SOX5: variants seen among roughly 807,000 people sequenced by gnomAD.
SOX5 encodes transcription factor SOX-5.
A neutral mutation model predicts 92.0 loss-of-function variants in SOX5; 9 were observed. That is an observed-to-expected ratio of 0.10 (90% CI 0.06 to 0.17). The LOEUF (loss-of-function observed/expected upper bound fraction) is 0.17, where lower values mean the gene tolerates loss of function less well. SOX5 is among the 10% of genes least tolerant of loss of function. SOX5 has a pLI of 1.00. For missense variants in SOX5, 642 were observed against 944.5 expected, an observed-to-expected ratio of 0.68 and a Z score of 4.20; for synonymous variants, 344 against 336.3, an observed-to-expected ratio of 1.02 and a Z score of -0.25.
chr12:24,133,235 C>T (rs1158633615), intron 4 of SOX5, among the ~76,000 whole-genome samples: 2 of 152,130 alleles, frequency 1.3e-5, no homozygotes. Flanking sequence ...ACATGTCACT[C>T]CCTGGAGAAA....
At chr12:23,990,513 C>T (rs559104971) in intron 4 of SOX5, among the ~76,000 whole-genome samples, 10 of 152,258 alleles carry the variant, frequency 6.6e-5, no homozygotes, top group African/African-American at 9.6e-5. Flanking sequence ...CTTTTAACTA[C>T]GATGTATTTT....
intron 4 of SOX5, among the ~76,000 whole-genome samples, chr12:24,147,583 TA>T (rs1313280249): frequency 6.6e-6 from 1 of 152,144 alleles, no homozygotes; most frequent in Admixed American, 6.5e-5. Context: ...AAAGCAAGAA[TA>T]AGCACTAAAA....
At chr12:24,531,991 A>G (rs1951235659) in intron 1 of SOX5, among the ~76,000 whole-genome samples, 2 of 152,206 alleles carry the variant, frequency 1.3e-5, no homozygotes, top group Middle Eastern at 3.2e-3. Flanking sequence ...AACTATTTAA[A>G]TTGACAATAA....
chr12:24,329,444 G>A lies in SOX5; in HGVS notation c.-174+39119C>T, dbSNP rs144058169. On this transcript the variant is annotated intron_variant, in intron 2 of 4. Coordinates refer to the SOX5 transcript ENST00000446891. ...CTCACAATCATGAGAACAACATGGGGGAAAAGGCCCCCAAAGTCCATTCAC... is the reference window on the plus strand; with the variant it reads ...CTCACAATCATGAGAACAACATGGGAGAAAAGGCCCCCAAAGTCCATTCAC... Among the ~76,000 whole-genome samples the A allele has an allele frequency of 2.4e-3, 363 of 152,256 alleles. 2 individuals carry two copies. The highest frequency in any genetic ancestry group is 8.4e-3 in the African/African-American group (349 of 41,534).
At chr12:24,469,151 G>A (rs1478233181) in intron 1 of SOX5, among the ~76,000 whole-genome samples, 6 of 152,188 alleles carry the variant, frequency 3.9e-5, no homozygotes, top group African/African-American at 1.4e-4. Flanking sequence ...TCAGGCATTA[G>A]ATTCTCGTAA....
At chr12:23,669,079 T>C (rs1437435919) in intron 6 of SOX5, among the ~76,000 whole-genome samples, 1 of 152,152 alleles carries the variant, frequency 6.6e-6, no homozygotes, top group East Asian at 1.9e-4. Flanking sequence ...CTAAGTAGAA[T>C]ATGCAGTCTG....
chr12:24,156,804 T>C (rs574757690), intron 4 of SOX5, among the ~76,000 whole-genome samples: 1 of 152,298 alleles, frequency 6.6e-6, no homozygotes, highest in South Asian at 2.1e-4. Context: ...ATATTCTTTC[T>C]ACAGCATTAA....
chr12:24,241,471 G>A (rs1034918994), intron 3 of SOX5, among the ~76,000 whole-genome samples: 1 of 152,142 alleles, frequency 6.6e-6, no homozygotes, highest in South Asian at 2.1e-4. Flanking sequence ...TGTCAAGAGG[G>A]TTCCTTAAAT....
Position 23,934,315 on chromosome 12 carries a change from C to T in SOX5, c.38+15249G>A, listed in dbSNP as rs75689011. On this transcript the variant is annotated intron_variant, in intron 1 of 14. Coordinates refer to ENST00000451604, the MANE Select transcript of SOX5 (RefSeq NM_006940.6). ...CTATGGTTTTAGTTTTAGAAATTCT[C>T]TTCCCCCATTTCACTTTATATATAC... Among the ~76,000 whole-genome samples the T allele has an allele frequency of 8.2e-3, 1,245 of 151,004 alleles. 14 individuals carry two copies. The highest frequency in any genetic ancestry group is 0.029 in the African/African-American group (1,179 of 41,304).
At chr12:23,791,424 C>A (rs569118787) in intron 3 of SOX5, among the ~76,000 whole-genome samples, 2 of 152,280 alleles carry the variant, frequency 1.3e-5, no homozygotes, top group African/African-American at 4.8e-5. Context: ...GCCTCAGCAC[C>A]CGGAGTAGCT....
chr12:24,535,913 A>G (rs937716666), intron 1 of SOX5, among the ~76,000 whole-genome samples: 5 of 144,650 alleles, frequency 3.5e-5, no homozygotes, highest in African/African-American at 1.3e-4. Context: ...GTGTTCCTTC[A>G]CCCCCTCCCA....
At chr12:24,303,269 A>C (rs925620966) in intron 2 of SOX5, among the ~76,000 whole-genome samples, 2 of 152,236 alleles carry the variant, frequency 1.3e-5, no homozygotes, top group Non-Finnish European at 2.9e-5. Flanking sequence ...GATATTCCTT[A>C]AAGTTGACTG....
intron 4 of SOX5, among the ~76,000 whole-genome samples, chr12:23,957,493 G>C (rs547204077): frequency 6.6e-6 from 1 of 152,236 alleles, no homozygotes; most frequent in East Asian, 1.9e-4. Context: ...GCGTAGGGGG[G>C]AATAAATACA....
chr12:23,706,456 T>A (rs563517696), intron 6 of SOX5, among the ~76,000 whole-genome samples: 1 of 152,052 alleles, frequency 6.6e-6, no homozygotes, highest in East Asian at 1.9e-4. Context: ...GCATGTCAAA[T>A]ACATGGTCTC....
chr12:23,956,056 A>C (rs930575092), intron 4 of SOX5, among the ~76,000 whole-genome samples: 1 of 152,204 alleles, frequency 6.6e-6, no homozygotes, highest in Non-Finnish European at 1.5e-5. Context: ...TTAACTAATC[A>C]GAGGAGAAAT....
intron 4 of SOX5, among the ~76,000 whole-genome samples, chr12:24,043,607 T>C (rs1327186385): frequency 6.6e-6 from 1 of 152,248 alleles, no homozygotes; most frequent in Non-Finnish European, 1.5e-5. Context: ...AAGTTCATCA[T>C]GGGATGGCGG....
intron 3 of SOX5, among the ~76,000 whole-genome samples, chr12:24,236,215 TAAATA>T (rs571156443): frequency 8.0e-4 from 121 of 151,706 alleles, no homozygotes; most frequent in African/African-American, 1.6e-3. Flanking sequence ...AATAAATAGA[TAAATA>T]AAATAAAATA....
At chr12:24,008,308 A>G (rs1952540172) in intron 4 of SOX5, among the ~76,000 whole-genome samples, 1 of 152,212 alleles carries the variant, frequency 6.6e-6, no homozygotes, top group Non-Finnish European at 1.5e-5. Context: ...ATCAGAGAAT[A>G]AAAGCATTCT....
At position 23,906,782 on chromosome 12, in the gene SOX5, G is replaced by A. The variant is rs1251752742; in HGVS notation, c.39-10758C>T. Among the ~76,000 whole-genome samples the A allele has an allele frequency of 4.6e-5, 7 of 152,110 alleles. No individual in the cohort carries two copies. In the South Asian group the frequency reaches 1.2e-3, roughly 27 times the overall value. ...TAAGTACAATTTTTCTGACCCAAAA[G>A]TTCAGAGGATTGATTAACAAATTGA... On this transcript the variant is annotated intron_variant, in intron 1 of 14. Coordinates refer to ENST00000451604, the MANE Select transcript of SOX5 (RefSeq NM_006940.6).
Sources: allele counts gnomAD v4.1 joint callset (sites outside exome capture counted in the v4.1 genomes callset), GRCh38; gene constraint gnomAD v4.1.1; transcripts MANE v1.5; gene names NCBI Gene and HGNC (gene_info 2026-07-23, HGNC 2026-07-21).